MINDY3: variants seen among roughly 807,000 people sequenced by gnomAD.
The protein encoded by MINDY3 is ubiquitin carboxyl-terminal hydrolase MINDY-3.
MINDY3 carries 38 observed loss-of-function variants against 69.2 expected under a neutral mutation model. That is an observed-to-expected ratio of 0.55 (90% confidence interval 0.42 to 0.72). MINDY3 has a LOEUF of 0.72. Ranked by LOEUF, MINDY3 falls within the 30% of genes least tolerant of loss-of-function variation. MINDY3 has a pLI of 0.00. For synonymous variants in MINDY3, 192 were observed against 180.1 expected, an observed-to-expected ratio of 1.07 and a Z score of -0.53; for missense variants, 522 against 519.0, an observed-to-expected ratio of 1.01 and a Z score of -0.06.
At chr10:15,831,268 A>G (rs1439936448) in intron 8 of MINDY3, among the ~76,000 whole-genome samples, 1 of 152,194 alleles carries the variant, frequency 6.6e-6, no homozygotes, top group African/African-American at 2.4e-5. Context: ...GAAACTTGTA[A>G]TGAGGTTTCT....
chr10:15,802,307 A>C lies in MINDY3; in HGVS notation c.883-6135T>G, dbSNP rs201669272. On this transcript the variant is annotated intron_variant, in intron 10 of 14. Transcript: ENST00000277632. ...ACTACCTGAGGTGGGGTAATTTATA[A>C]ATAAAAGGTTTAACTGACTCATAGA... 9.2e-5 allele frequency among the ~76,000 whole-genome samples: 14 copies of C among 152,216 alleles called. No homozygotes were observed. The East Asian group carries it at 2.7e-3, about 29-fold the overall frequency.
At chr10:15,788,377 A>G (rs1040174651) in intron 12 of MINDY3, among the ~76,000 whole-genome samples, 2 of 152,144 alleles carry the variant, frequency 1.3e-5, no homozygotes, top group African/African-American at 4.8e-5. Flanking sequence ...TGGCTAGTTT[A>G]TGTGTATTGC....
intron 2 of MINDY3, among the ~76,000 whole-genome samples, chr10:15,846,205 C>A (rs1227501175): frequency 4.6e-5 from 7 of 152,052 alleles, no homozygotes; most frequent in Non-Finnish European, 8.8e-5. Context: ...TGCATAACAC[C>A]CACTTGCAAA....
intron 8 of MINDY3, among the ~76,000 whole-genome samples, chr10:15,829,151 T>C (rs114805642): frequency 0.017 from 2,588 of 152,076 alleles, 68 homozygotes; most frequent in African/African-American, 0.058. Context: ...TAAAGCACCA[T>C]AGATGATCAG....
At chr10:15,832,751 C>G (rs1156584251) in intron 8 of MINDY3, among the ~76,000 whole-genome samples, 1 of 152,106 alleles carries the variant, frequency 6.6e-6, no homozygotes, top group Non-Finnish European at 1.5e-5. Flanking sequence ...TTTAATTTTA[C>G]TGATTTTTTC....
chr10:15,845,361 A>T (rs1477608632), intron 2 of MINDY3, among the ~76,000 whole-genome samples: 3 of 152,172 alleles, frequency 2.0e-5, no homozygotes, highest in Non-Finnish European at 4.4e-5. Context: ...CTTCTTACAC[A>T]GTATCATGAT....
In MINDY3 at chr10:15,855,705, A is replaced by G. The variant is rs188521772; in HGVS notation, c.94+4501T>C. Among the ~76,000 whole-genome samples, 756 of 152,194 alleles carry G rather than the reference A, an allele frequency of 5.0e-3. 18 individuals carry two copies. The highest frequency in any genetic ancestry group is 0.011 in the East Asian group (59 of 5,182). ...CATTTTGACAACTATACCTTCTACA[A>G]TTCTAGCCTTCCATGTAAACAAGGC... On this transcript the variant is annotated intron_variant, in intron 1 of 14. Coordinates refer to ENST00000277632, the MANE Select transcript of MINDY3 (RefSeq NM_024948.4).
At chr10:15,814,085 T>C (rs1336221309) in intron 10 of MINDY3, among the ~76,000 whole-genome samples, 1 of 152,126 alleles carries the variant, frequency 6.6e-6, no homozygotes, top group Non-Finnish European at 1.5e-5. Context: ...ATTCTTGTTA[T>C]AATTTTAAGA....
Position 15,789,401 on chromosome 10 carries a change from AAAAAAATCGCAT to A in MINDY3, c.956-94_956-83del. On this transcript the variant is annotated intron_variant, in intron 11 of 14. Transcript: ENST00000277632. The stretch of plus-strand genomic sequence containing the variant: ...ATTAATGCTGATCAGGTTCCAGGAA[AAAAAAATCGCAT>A]AAAAAATACAAAGAGTTAACATACT... 5 of 1,040,160 alleles carry A rather than the reference AAAAAAATCGCAT, an allele frequency of 4.8e-6. No individual in the cohort carries two copies. The Middle Eastern group carries it at 1.0e-3, about 218-fold the overall frequency. The allele number at this position is 1,040,160 out of a possible 1,614,324, so 64.4% of individuals were successfully genotyped here.
chr10:15,843,424 G>C (rs1375452835), intron 2 of MINDY3, 152 bp from the exon 3 acceptor site: 2 of 642,554 alleles, frequency 3.1e-6, no homozygotes, highest in African/African-American at 1.8e-5. Context: ...CCTCACATTT[G>C]ACAGGAACTG....
intron 9 of MINDY3, chr10:15,817,221 A>G (rs1839435231): frequency 4.3e-6 from 1 of 233,194 alleles, no homozygotes; most frequent in Non-Finnish European, 8.2e-6. Flanking sequence ...TCCTAGATAA[A>G]ATGACCACTT....
chr10:15,789,386 A>T, intron 11 of MINDY3, 67 bp from the exon 12 acceptor site: 8 of 1,240,668 alleles, frequency 6.4e-6, no homozygotes, highest in Non-Finnish European at 9.4e-6. Flanking sequence ...ATTAATGCTG[A>T]TCAGGTTCCA....
chr10:15,804,141 A>T (rs1043346458), intron 10 of MINDY3, among the ~76,000 whole-genome samples: 1 of 152,142 alleles, frequency 6.6e-6, no homozygotes, highest in Non-Finnish European at 1.5e-5. Flanking sequence ...TTTATATTCA[A>T]CCAATTTACT....
At chr10:15,851,213 G>A (rs911106251) in intron 1 of MINDY3, among the ~76,000 whole-genome samples, 10 of 152,024 alleles carry the variant, frequency 6.6e-5, no homozygotes, top group African/African-American at 2.4e-4. Context: ...TTGGTTTTAG[G>A]ATCTATGCTC....
intron 1 of MINDY3, among the ~76,000 whole-genome samples, chr10:15,848,647 AAAAAAAAAAAAAAAAGAAAG>A (rs1471543638): frequency 1.5e-5 from 2 of 136,682 alleles, no homozygotes; most frequent in African/African-American, 5.2e-5. Context: ...AAAAAAAAAA[AAAAAAAAAAAAAAAAGAAAG>A]AAAAATTAAA....
At chr10:15,823,454 C>T (rs1839900118) in intron 8 of MINDY3, among the ~76,000 whole-genome samples, 1 of 152,120 alleles carries the variant, frequency 6.6e-6, no homozygotes, top group Non-Finnish European at 1.5e-5. Context: ...CGGCTGTCTA[C>T]TAATAAGCCA....
intron 1 of MINDY3, among the ~76,000 whole-genome samples, chr10:15,857,402 G>A (rs181708382): frequency 6.8e-4 from 103 of 152,132 alleles, no homozygotes; most frequent in African/African-American, 2.4e-3. Context: ...TGTAATTTAT[G>A]CTACGTTATA....
intron 11 of MINDY3, among the ~76,000 whole-genome samples, chr10:15,790,317 G>A (rs1306444223): frequency 6.6e-6 from 1 of 152,102 alleles, no homozygotes; most frequent in African/African-American, 2.4e-5. Flanking sequence ...TTACCCATTT[G>A]AAGACAGATT....
chr10:15,794,298 A>G (rs1837643823), intron 11 of MINDY3, among the ~76,000 whole-genome samples: 1 of 152,124 alleles, frequency 6.6e-6, no homozygotes, highest in African/African-American at 2.4e-5. Flanking sequence ...ACAAAAGCAT[A>G]TCATTTGGGG....
Sources: allele counts gnomAD v4.1 joint callset (sites outside exome capture counted in the v4.1 genomes callset), GRCh38; gene constraint gnomAD v4.1.1; transcripts MANE v1.5; gene names NCBI Gene and HGNC (gene_info 2026-07-23, HGNC 2026-07-21).